DPF3: variants seen among roughly 807,000 people sequenced by gnomAD.
The protein encoded by DPF3 is zinc finger protein DPF3.
DPF3 carries 18 observed loss-of-function variants against 56.8 expected under a neutral mutation model. The observed-to-expected ratio is 0.32, with a 90% CI of 0.22 to 0.47. The LOEUF is 0.47. DPF3 is among the 20% of genes least tolerant of loss of function. DPF3 has a pLI of 1.00. For synonymous variants in DPF3, 188 were observed against 180.2 expected (o/e 1.04, Z -0.35); for missense variants, 403 against 488.8 (o/e 0.82, Z 1.65).
At chr14:72,686,451 A>G (rs1266665504) in intron 7 of DPF3, among the ~76,000 whole-genome samples, 2 of 152,236 alleles carry the variant, frequency 1.3e-5, no homozygotes, top group Non-Finnish European at 2.9e-5. Context: ...GCAGAAGTGT[A>G]GGTAAGTGGC....
intron 6 of DPF3, among the ~76,000 whole-genome samples, chr14:72,698,787 G>A (rs2153573697): frequency 6.6e-6 from 1 of 152,338 alleles, no homozygotes; most frequent in South Asian, 2.1e-4. Flanking sequence ...CTTATGATGG[G>A]TTTGCCAGGA....
At chr14:72,759,579 AGAAAG>A (rs1890984261) in intron 2 of DPF3, among the ~76,000 whole-genome samples, 2 of 141,654 alleles carry the variant, frequency 1.4e-5, no homozygotes, top group East Asian at 4.1e-4. Flanking sequence ...GAGAGAGGGA[AGAAAG>A]GGAAGGAAGG....
At chr14:72,685,402 C>A (rs1599355650) in intron 7 of DPF3, among the ~76,000 whole-genome samples, 1 of 152,226 alleles carries the variant, frequency 6.6e-6, no homozygotes, top group Non-Finnish European at 1.5e-5. Flanking sequence ...AATAACATGT[C>A]CCTAATGGAC....
chr14:72,715,228 A>G (rs1888864235), intron 5 of DPF3, among the ~76,000 whole-genome samples: 2 of 151,892 alleles, frequency 1.3e-5, no homozygotes, highest in South Asian at 4.2e-4. Context: ...TGATACCACC[A>G]CCCTGTGTGA....
intron 1 of DPF3, among the ~76,000 whole-genome samples, chr14:72,822,391 A>G (rs1335379557): frequency 2.0e-5 from 3 of 152,072 alleles, no homozygotes; most frequent in African/African-American, 7.2e-5. Context: ...TCTCAAAAAA[A>G]TAAAATAAAA....
intron 7 of DPF3, chr14:72,679,139 T>C (rs1246483004): frequency 6.6e-6 from 1 of 152,156 alleles, no homozygotes; most frequent in East Asian, 1.9e-4. Flanking sequence ...AAATCTTCCA[T>C]AAAACTACCG....
intron 7 of DPF3, among the ~76,000 whole-genome samples, chr14:72,679,873 C>T (rs1887081471): frequency 6.6e-6 from 1 of 152,178 alleles, no homozygotes; most frequent in Non-Finnish European, 1.5e-5. Flanking sequence ...CTAGGCCAGT[C>T]CAGAGGAGGA....
chr14:72,813,055 C>T (rs543937988), intron 1 of DPF3, among the ~76,000 whole-genome samples: 6 of 152,212 alleles, frequency 3.9e-5, no homozygotes, highest in Non-Finnish European at 5.9e-5. Flanking sequence ...GGGGCTCCTT[C>T]GAAAATGCTT....
intron 2 of DPF3, among the ~76,000 whole-genome samples, chr14:72,755,519 T>C (rs904361459): frequency 1.3e-5 from 2 of 152,174 alleles, no homozygotes; most frequent in South Asian, 2.1e-4. Flanking sequence ...TTGCCTCACC[T>C]GTAAGATAAG....
At chr14:72,785,332 T>G (rs1892165687) in intron 1 of DPF3, among the ~76,000 whole-genome samples, 1 of 152,164 alleles carries the variant, frequency 6.6e-6, no homozygotes, top group Non-Finnish European at 1.5e-5. Context: ...TACAACTCCA[T>G]GATTTTATAC....
intron 4 of DPF3, among the ~76,000 whole-genome samples, chr14:72,724,406 G>T (rs1001142408): frequency 2.0e-5 from 3 of 152,032 alleles, no homozygotes; most frequent in Non-Finnish European, 4.4e-5. Context: ...AGTTTTGAGT[G>T]CTCCAGATCA....
chr14:72,810,683 A>G (rs1048442028), intron 1 of DPF3, among the ~76,000 whole-genome samples: 3 of 152,140 alleles, frequency 2.0e-5, no homozygotes, highest in African/African-American at 7.2e-5. Context: ...CCCACCCAGC[A>G]AGCACCCACA....
At chr14:72,809,968 G>A (rs761581271) in intron 1 of DPF3, among the ~76,000 whole-genome samples, 2 of 152,156 alleles carry the variant, frequency 1.3e-5, no homozygotes, top group Non-Finnish European at 2.9e-5. Flanking sequence ...GCTTCTTGGG[G>A]TTATTTAGAG....
In DPF3 at chr14:72,767,221, C is replaced by T. The variant is rs183495259; in HGVS notation, c.193+4512G>A. On this transcript the variant is annotated intron_variant, in intron 2 of 10. Transcript: ENST00000556509. ...TATAGAAGATTTAAATAATATCTAG[C>T]GTCTCATAACATAACAGCCAAAATG... is the stretch of plus-strand genomic sequence containing the variant. Among the ~76,000 whole-genome samples, 24 of 152,298 alleles carry T rather than the reference C, an allele frequency of 1.6e-4. No individual in the cohort carries two copies. The East Asian group carries it at 2.5e-3, about 16-fold the overall frequency.
At chr14:72,817,143 G>A (rs1217185591) in intron 1 of DPF3, among the ~76,000 whole-genome samples, 1 of 152,172 alleles carries the variant, frequency 6.6e-6, no homozygotes, top group Admixed American at 6.5e-5. Flanking sequence ...TCCTCCACGG[G>A]CTGCCCCAGT....
Position 72,810,863 on chromosome 14 carries a change from G to GACT in DPF3, c.33-38971_33-38970insAGT, listed in dbSNP as rs780827070. On this transcript the variant is annotated intron_variant, in intron 1 of 10. Coordinates refer to ENST00000556509, the MANE Select transcript of DPF3 (RefSeq NM_001280542.3). The stretch of plus-strand genomic sequence containing the variant: ...AGATGAAGTCACACTGGAATAGAGT[G>GACT]AGCCCTAATCTTACAGGACTAGTGA... Among the ~76,000 whole-genome samples the GACT allele has an allele frequency of 3.9e-5, 6 of 152,322 alleles. No individual in the cohort carries two copies. The South Asian group carries it at 1.2e-3, about 32-fold the overall frequency.
At chr14:72,670,702 A>G in intron 8 of DPF3, 1 of 999,320 alleles carries the variant, frequency 1.0e-6, no homozygotes, top group East Asian at 1.1e-4. Flanking sequence ...ATATATAAAT[A>G]ATAATGTTTT....
chr14:72,662,938 T>TA (rs5809583), intron 8 of DPF3: 28,127 of 563,088 alleles, frequency 0.05, 527 homozygotes, highest in African/African-American at 0.14. Context: ...TGAAATGAAT[T>TA]AAAAAAAAAA....
chr14:72,665,416 GA>G (rs368429921), intron 8 of DPF3, among the ~76,000 whole-genome samples: 1 of 152,328 alleles, frequency 6.6e-6, no homozygotes, highest in African/African-American at 2.4e-5. Flanking sequence ...AGAATAGCCT[GA>G]AATCTCAGCT....
Sources: allele counts gnomAD v4.1 joint callset (sites outside exome capture counted in the v4.1 genomes callset), GRCh38; gene constraint gnomAD v4.1.1; transcripts MANE v1.5; gene names NCBI Gene and HGNC (gene_info 2026-07-23, HGNC 2026-07-21).